SMARCA2: variants seen among roughly 807,000 people sequenced by gnomAD.
SMARCA2 encodes the protein SWI/SNF-related matrix-associated actin-dependent regulator of chromatin subfamily A member 2.
SMARCA2 carries 61 observed loss-of-function variants against 199.8 expected under a neutral mutation model. The ratio of observed to expected loss-of-function variants is 0.31; its 90% CI spans 0.25 to 0.38. The LOEUF is 0.38. Ranked by LOEUF, SMARCA2 falls within the 10% of genes least tolerant of loss-of-function variation. SMARCA2 has a pLI of 1.00. For synonymous variants in SMARCA2, 935 were observed against 732.0 expected (o/e 1.28, Z -4.48); for missense variants, 1,344 against 2,012.2 (o/e 0.67, Z 6.35).
At chr9:2,089,584 G>C (rs78656388) in intron 19 of SMARCA2, among the ~76,000 whole-genome samples, 5,744 of 152,132 alleles carry the variant, frequency 0.038, 385 homozygotes, top group African/African-American at 0.13. Flanking sequence ...TTTATGCATT[G>C]TCAGAAAAAA....
intron 33 of SMARCA2, 177 bp from the exon 34 acceptor site, chr9:2,192,527 C>CAGCTT: frequency 1.6e-6 from 1 of 642,110 alleles, no homozygotes; most frequent in Non-Finnish European, 2.8e-6. Context: ...AAAAACTTCT[C>CAGCTT]AGCTTAGAGA....
At chr9:2,073,771 C>T (rs1429908886) in intron 12 of SMARCA2, 148 bp downstream of exon 12, 3 of 644,536 alleles carry the variant, frequency 4.7e-6, no homozygotes, top group Non-Finnish European at 8.2e-6. Flanking sequence ...TAAGGATTTA[C>T]AAATGCTTTG....
At chr9:2,183,409 C>G (rs906439251) in intron 31 of SMARCA2, among the ~76,000 whole-genome samples, 15 of 152,184 alleles carry the variant, frequency 9.9e-5, no homozygotes, top group Admixed American at 3.9e-4. Context: ...ATTAAAATAA[C>G]CAAGGTGAGG....
chr9:2,062,692 T>G (rs1820654809), intron 9 of SMARCA2, among the ~76,000 whole-genome samples: 3 of 152,148 alleles, frequency 2.0e-5, no homozygotes, highest in Admixed American at 1.3e-4. Context: ...ACTCAACATG[T>G]GTTAACTGAA....
At chr9:2,133,124 A>C (rs1047688627) in intron 27 of SMARCA2, among the ~76,000 whole-genome samples, 1 of 152,210 alleles carries the variant, frequency 6.6e-6, no homozygotes, top group African/African-American at 2.4e-5. Context: ...TAACCATGGG[A>C]AACTGAATTT....
intron 32 of SMARCA2, among the ~76,000 whole-genome samples, chr9:2,191,011 T>G (rs1449752490): frequency 6.7e-6 from 1 of 149,348 alleles, no homozygotes; most frequent in Non-Finnish European, 1.5e-5. Context: ...CCAGCCCCAC[T>G]GTCCTCCATG....
chr9:2,148,240 G>T (rs955589536), intron 27 of SMARCA2, among the ~76,000 whole-genome samples: 3 of 151,600 alleles, frequency 2.0e-5, no homozygotes, highest in African/African-American at 7.2e-5. Context: ...TGTAGCTCCA[G>T]TAATAAGTAT....
chr9:2,124,058 C>G, intron 27 of SMARCA2, 121 bp downstream of exon 27: 1 of 747,918 alleles, frequency 1.3e-6, no homozygotes, highest in Non-Finnish European at 2.4e-6. Flanking sequence ...AGGGAAGGGG[C>G]TCTTGAACAC....
chr9:2,115,300 G>C lies in SMARCA2; in HGVS notation c.3457-522G>C, dbSNP rs1261287396. Among the ~76,000 whole-genome samples the C allele has an allele frequency of 6.6e-6, 1 of 152,272 alleles. No individual in the cohort carries two copies. The highest frequency in any genetic ancestry group is 2.1e-4 in the South Asian group (1 of 4,818). ...GAAGACCGAGTCTTTGATAAGGTTA[G>C]GTTCGAGGAAATTGACTACCTGAGC... On this transcript the variant is annotated intron_variant, in intron 24 of 33. Transcript: ENST00000349721. The surrounding 1 kb of genome is among the most constrained non-coding windows in gnomAD (Gnocchi z 6.0).
At chr9:2,061,508 T>C (rs1352803251) in intron 9 of SMARCA2, among the ~76,000 whole-genome samples, 1 of 152,060 alleles carries the variant, frequency 6.6e-6, no homozygotes, top group African/African-American at 2.4e-5. Flanking sequence ...GGTAATTACA[T>C]AAAAAAAGAG....
In SMARCA2 at chr9:2,191,346, A is replaced by G. The variant is rs1769481688; in HGVS notation, c.4675A>G (p.Asn1559Asp). Reference sequence around the variant, plus strand: ...CAAAGGGAAAGGCAAGAAAAGGCCAAATCGAGGAAAAGCCAAACCTGTAGT... The same window carrying G: ...CAAAGGGAAAGGCAAGAAAAGGCCAGATCGAGGAAAAGCCAAACCTGTAGT... Reference protein sequence around the residue: ...RDKGKGKKRPNRGKAKPVVSD... With the variant: ...RDKGKGKKRPDRGKAKPVVSD... Residue 1559 changes from asparagine (N) to aspartate (D), a missense_variant, in exon 33 of 34, where the codon AAT becomes GAT. Coordinates refer to ENST00000349721, the MANE Select transcript of SMARCA2 (RefSeq NM_003070.5). 4.3e-6 allele frequency: 7 copies of G among 1,614,244 alleles called. No homozygotes were observed. The highest frequency in any genetic ancestry group is 5.9e-6 in the Non-Finnish European group (7 of 1,180,028).
At chr9:2,124,442 T>C (rs1466734054) in intron 27 of SMARCA2, among the ~76,000 whole-genome samples, 1 of 152,220 alleles carries the variant, frequency 6.6e-6, no homozygotes, top group Non-Finnish European at 1.5e-5. Flanking sequence ...CATAGTACTT[T>C]TAGAGCTGGA....
intron 31 of SMARCA2, among the ~76,000 whole-genome samples, chr9:2,182,816 C>T (rs1464695141): frequency 8.7e-5 from 9 of 103,782 alleles, no homozygotes; most frequent in Non-Finnish European, 1.8e-4. Context: ...ATTTTTTTTT[C>T]GAGATGGAGT....
intron 28 of SMARCA2, among the ~76,000 whole-genome samples, chr9:2,165,841 C>G (rs561680723): frequency 1.3e-5 from 2 of 152,198 alleles, no homozygotes; most frequent in African/African-American, 4.8e-5. Context: ...AGAGAGATTC[C>G]TAGAGGCATT....
chr9:2,029,262 T>A lies in SMARCA2; in HGVS notation c.225+15T>A, dbSNP rs1476069784. ...AAATGCATAAGGTAAGAGTTTGTTC[T>A]CCCATTCAAACTCAACTTCTGATAA... On this transcript the variant is annotated intron_variant, in intron 2 of 33. Transcript: ENST00000349721. 6.2e-7 allele frequency: 1 copy of A among 1,600,170 alleles called. No individual in the cohort carries two copies. The highest frequency in any genetic ancestry group is 8.5e-7 in the Non-Finnish European group (1 of 1,171,996).
chr9:2,190,741 G>C lies in SMARCA2; in HGVS notation c.4595-525G>C, dbSNP rs577213474. Among the ~76,000 whole-genome samples the C allele has an allele frequency of 1.8e-4, 27 of 152,072 alleles. No homozygotes were observed. The South Asian group carries it at 5.2e-3, about 29-fold the overall frequency. On this transcript the variant is annotated intron_variant, in intron 32 of 33. Transcript: ENST00000349721. ...GTTATAGGGAAAGAGACTAGGAATG[G>C]GGGAAAGGAAGCATTCAAAAGTGTT...
intron 22 of SMARCA2, among the ~76,000 whole-genome samples, chr9:2,103,355 G>A (rs1047051501): frequency 6.6e-6 from 1 of 152,132 alleles, no homozygotes; most frequent in Non-Finnish European, 1.5e-5. Flanking sequence ...CGGGGCCAAA[G>A]GTTGCCAAAC....
At chr9:2,151,761 T>C (rs1825093116) in intron 27 of SMARCA2, among the ~76,000 whole-genome samples, 1 of 151,742 alleles carries the variant, frequency 6.6e-6, no homozygotes, top group Admixed American at 6.6e-5. Flanking sequence ...AATTAAAAAA[T>C]ATGTAAACCA....
At chr9:2,041,654 C>T (rs902619664) in intron 4 of SMARCA2, 1 of 359,152 alleles carries the variant, frequency 2.8e-6, no homozygotes, top group Non-Finnish European at 5.0e-6. Context: ...ATCATTTCAT[C>T]TCCAGAATTT....
Sources: allele counts gnomAD v4.1 joint callset (sites outside exome capture counted in the v4.1 genomes callset), GRCh38; gene constraint gnomAD v4.1.1; non-coding constraint Gnocchi (gnomAD v3.1); transcripts MANE v1.5; gene names NCBI Gene and HGNC (gene_info 2026-07-23, HGNC 2026-07-21).